The following SPATA22 variants were observed in gnomAD, a reference collection of about 807,000 sequenced individuals.
SPATA22 encodes the protein spermatogenesis associated 22, also known as spermatogenesis-associated protein 22.
Under a neutral mutation model 47.8 loss-of-function variants are expected in SPATA22, and 29 were observed. The observed-to-expected ratio is 0.61, with a 90% CI of 0.45 to 0.83. The LOEUF (loss-of-function observed/expected upper bound fraction) is 0.83. Ranked by LOEUF, SPATA22 falls within the 40% of genes least tolerant of loss-of-function variation. The probability of loss-of-function intolerance (pLI) is 0.00; values close to 1 mark genes in which losing one functional copy is unlikely to be tolerated. For synonymous variants in SPATA22, 133 were observed against 140.9 expected (o/e 0.94, Z 0.40); for missense variants, 410 against 421.7 (o/e 0.97, Z 0.24).
At chr17:3,508,729 A>T (rs1290527848) in intron 1 of SPATA22, among the ~76,000 whole-genome samples, 1 of 116,184 alleles carries the variant, frequency 8.6e-6, no homozygotes, top group Non-Finnish European at 1.7e-5. Flanking sequence ...GAAGGGGAAC[A>T]TCACACTCTG....
chr17:3,455,109 T>A (rs2072955236), intron 5 of SPATA22, among the ~76,000 whole-genome samples: 1 of 152,082 alleles, frequency 6.6e-6, no homozygotes. Flanking sequence ...TTTTAAGAAG[T>A]GTCTGTTCAT....
At chr17:3,454,615 C>T (rs2072942131) in intron 5 of SPATA22, among the ~76,000 whole-genome samples, 1 of 152,120 alleles carries the variant, frequency 6.6e-6, no homozygotes, top group African/African-American at 2.4e-5. Flanking sequence ...CATGTCCCTA[C>T]AAAGGACATG....
Position 3,497,774 on chromosome 17 carries a change from T to G in SPATA22, c.-74+15638A>C, listed in dbSNP as rs770181991. 5.3e-4 allele frequency among the ~76,000 whole-genome samples: 81 copies of G among 152,228 alleles called. 1 individual carries two copies. Among genetic ancestry groups the G allele is most frequent in the Non-Finnish European group, 1.0e-3 (70 of 68,046 alleles). On this transcript the variant is annotated intron_variant, in intron 1 of 8. Transcript: ENST00000541913. Reference sequence around the variant, plus strand: ...AGGTCTGCTGCGCATAATGAAATCCTGCTTTTCTAACAGGCTCCTGGGTGA... The same window carrying G: ...AGGTCTGCTGCGCATAATGAAATCCGGCTTTTCTAACAGGCTCCTGGGTGA...
At position 3,446,453 on chromosome 17, in the gene SPATA22, T is replaced by C; in HGVS notation, c.802+19A>G. On this transcript the variant is annotated intron_variant, in intron 7 of 8. Coordinates refer to ENST00000572969, the MANE Select transcript of SPATA22 (RefSeq NM_001170698.2). ...CTCCAGAGAGTATTACTGAAGTATT[T>C]TTAAAGTATTTTACCTACCTAATAC... is the stretch of plus-strand genomic sequence containing the variant. 6.3e-7 allele frequency: 1 copy of C among 1,594,330 alleles called. No individual in the cohort carries two copies. The highest frequency in any genetic ancestry group is 8.5e-7 in the Non-Finnish European group (1 of 1,173,590).
upstream of SPATA22, chr17:3,474,213 CAAAAAAGTTATTCAT>C (rs2073488744): frequency 6.6e-6 from 1 of 152,130 alleles, no homozygotes; most frequent in Non-Finnish European, 1.5e-5. Context: ...CATTAACTCT[CAAAAAAGTTATTCAT>C]TTTGACATGT....
intron 1 of SPATA22, among the ~76,000 whole-genome samples, chr17:3,477,207 G>C (rs2073540082): frequency 6.6e-6 from 1 of 152,076 alleles, no homozygotes; most frequent in South Asian, 2.1e-4. Context: ...CCTGTGATCC[G>C]AAGTAGCAGA....
chr17:3,475,916 T>G, upstream of SPATA22: 1 of 530,544 alleles, frequency 1.9e-6, no homozygotes, highest in East Asian at 3.3e-5. Context: ...AACAGCTGTA[T>G]CTCTAGTTGA....
chr17:3,452,855 C>CAGACCAATAATAA (rs1373373679), intron 5 of SPATA22, among the ~76,000 whole-genome samples: 1 of 152,098 alleles, frequency 6.6e-6, no homozygotes, highest in African/African-American at 2.4e-5. Flanking sequence ...AAAGCCTAAA[C>CAGACCAATAATAA]AGACCAATAA....
At position 3,462,510 on chromosome 17, in the gene SPATA22, T is replaced by C; in HGVS notation, c.302A>G (p.Asn101Ser). Residue 101 changes from asparagine (N) to serine (S), a missense_variant, in exon 5 of 9, where the codon AAT becomes AGT. Coordinates refer to ENST00000572969, the MANE Select transcript of SPATA22 (RefSeq NM_001170698.2). Reference sequence around the variant, plus strand: ...CCAACCACCCTGGCTTCTTCCAGTATTTGATTGAATAGAGTTAAAGACAGA... The same window carrying C: ...CCAACCACCCTGGCTTCTTCCAGTACTTGATTGAATAGAGTTAAAGACAGA... ...QDSVFNSIQS[N>S]TGRSQGGWSY... The C allele has an allele frequency of 1.9e-6, 3 of 1,609,740 alleles. No homozygotes were observed. The highest frequency in any genetic ancestry group is 2.5e-6 in the Non-Finnish European group (3 of 1,178,794).
At chr17:3,455,810 T>C (rs59367102) in intron 5 of SPATA22, among the ~76,000 whole-genome samples, 82,575 of 148,258 alleles carry the variant, frequency 0.56, 24,580 homozygotes, top group Non-Finnish European at 0.67. Context: ...AACTTTAAAG[T>C]AGTTTTTTCC....
chr17:3,510,898 T>G (rs1172514010), intron 1 of SPATA22: 1 of 152,264 alleles, frequency 6.6e-6, no homozygotes, highest in Non-Finnish European at 1.5e-5. Context: ...GACTTCACAG[T>G]ACAACCTCCA....
intron 5 of SPATA22, among the ~76,000 whole-genome samples, chr17:3,454,574 T>C (rs1305716377): frequency 6.6e-6 from 1 of 151,860 alleles, no homozygotes; most frequent in Non-Finnish European, 1.5e-5. Context: ...CTTGCGATAG[T>C]TTACTGAGAA....
rs2073443495 is a variant in SPATA22 at position 3,471,779 on chromosome 17, C to T, written c.-171G>A. 2 of 985,662 alleles carry T rather than the reference C, an allele frequency of 2.0e-6. No homozygotes were observed. The highest frequency in any genetic ancestry group is 2.4e-6 in the Non-Finnish European group (2 of 830,094). The allele number at this position is 985,662 out of a possible 1,614,324, so 61.1% of individuals were successfully genotyped here. A position where few individuals can be genotyped will look rare whatever the true frequency, so the allele number is the denominator to read the frequency against. On this transcript the variant is annotated 5_prime_UTR_variant, in exon 1 of 9. Coordinates refer to ENST00000572969, the MANE Select transcript of SPATA22 (RefSeq NM_001170698.2). ...ACCGTCGTCCAGGCGGCCCCGTCAG[C>T]AACCGCCGCCCTTCCCGCCCGCGAA...
chr17:3,472,538 A>T (rs1303807531), upstream of SPATA22: 1 of 152,286 alleles, frequency 6.6e-6, no homozygotes, highest in Non-Finnish European at 1.5e-5. Flanking sequence ...AAATACTAGA[A>T]GATGAAATAG....
intron 5 of SPATA22, among the ~76,000 whole-genome samples, chr17:3,458,855 C>CAAA (rs545223532): frequency 0.017 from 635 of 38,326 alleles, 61 homozygotes; most frequent in African/African-American, 0.053. Flanking sequence ...CGAAACTTCA[C>CAAA]AAAAAAAAAA....
At chr17:3,503,430 C>T (rs887473956) in intron 1 of SPATA22, 1 of 152,078 alleles carries the variant, frequency 6.6e-6, no homozygotes, top group Non-Finnish European at 1.5e-5. Flanking sequence ...TGTGATTTAT[C>T]AGCTTTTGTA....
In SPATA22 at chr17:3,448,817, T is replaced by C. The variant is rs759510768; in HGVS notation, c.662A>G (p.Asn221Ser). ...KQMLDDIPEDNTLKETSLYQL... is the reference protein window; with the variant it reads ...KQMLDDIPEDSTLKETSLYQL... ...TATTTAAACATTTACCTTCAGGGTG[T>C]TGTCTTCTGGAATATCATCCAACAT... The change falls in exon 6 of 9, where the codon AAC (asparagine) becomes AGC (serine). Residue 221 changes from asparagine to serine, a missense_variant. Coordinates refer to ENST00000572969, the MANE Select transcript of SPATA22 (RefSeq NM_001170698.2). 50 of 1,601,616 alleles carry C rather than the reference T, an allele frequency of 3.1e-5. No individual in the cohort carries two copies. In the South Asian group the frequency reaches 5.3e-4, roughly 17 times the overall value.
intron 8 of SPATA22, among the ~76,000 whole-genome samples, chr17:3,442,265 G>T (rs554167569): frequency 9.9e-5 from 15 of 152,004 alleles, no homozygotes; most frequent in African/African-American, 3.4e-4. Context: ...GTATATTCAT[G>T]TTTCATCATT....
chr17:3,454,473 C>CA (rs1227040395), intron 5 of SPATA22, among the ~76,000 whole-genome samples: 1 of 151,822 alleles, frequency 6.6e-6, no homozygotes, highest in African/African-American at 2.4e-5. Context: ...CAACAGTCCC[C>CA]AGAGTGTGAT....
Sources: allele counts gnomAD v4.1 joint callset (sites outside exome capture counted in the v4.1 genomes callset), GRCh38; gene constraint gnomAD v4.1.1; transcripts MANE v1.5; gene names NCBI Gene and HGNC (gene_info 2026-07-23, HGNC 2026-07-21).